Variants in FRYL observed in about 807,000 individuals in gnomAD.
FRYL encodes the protein protein furry homolog-like.
A neutral mutation model predicts 351.2 loss-of-function variants in FRYL; 150 were observed. The ratio of observed to expected loss-of-function variants is 0.43; its 90% CI spans 0.37 to 0.49. The LOEUF (loss-of-function observed/expected upper bound fraction) is 0.49. FRYL is among the 20% of genes least tolerant of loss of function. The pLI, the probability that FRYL is intolerant of heterozygous loss-of-function variation, is 0.00. For synonymous variants in FRYL, 1,153 were observed against 1,257.1 expected (o/e 0.92, Z 1.75); for missense variants, 3,036 against 3,619.3 (o/e 0.84, Z 4.13).
chr4:48,651,289 C>CTGTGTGTG lies in FRYL; in HGVS notation c.-80-16807_-80-16800dup, dbSNP rs59845967. ...GTAGAAACAGGATCTCAGGATCTCA[C>CTGTGTGTG]TGTGTGTGTGTGTGTGTGTGTGTGT... On this transcript the variant is annotated intron_variant, in intron 3 of 63. Transcript: ENST00000358350. Among the ~76,000 whole-genome samples, 96 of 62,408 alleles carry CTGTGTGTG rather than the reference C, an allele frequency of 1.5e-3. 2 individuals carry two copies. The highest frequency in any genetic ancestry group is 1.7e-3 in the African/African-American group (22 of 12,938). The allele number at this position is 62,408 out of a possible 152,430, so 40.9% of individuals were successfully genotyped here. A position where few individuals can be genotyped will look rare whatever the true frequency, so the allele number is the denominator to read the frequency against.
chr4:48,578,602 A>G (rs944140318), intron 23 of FRYL, among the ~76,000 whole-genome samples: 37 of 152,220 alleles, frequency 2.4e-4, no homozygotes, highest in Admixed American at 2.6e-4. Context: ...AAGTAAGGCC[A>G]CTGAGCTGAG....
chr4:48,619,201 A>G, intron 7 of FRYL, 73 bp downstream of exon 7: 2 of 927,176 alleles, frequency 2.2e-6, no homozygotes, highest in South Asian at 1.4e-5. Context: ...CAGCATCTTA[A>G]AGTAACTGAA....
intron 4 of FRYL, 87 bp downstream of exon 4, chr4:48,634,204 A>T: frequency 7.3e-6 from 7 of 964,184 alleles, no homozygotes; most frequent in Non-Finnish European, 9.8e-6. Flanking sequence ...TTTTTCAAGT[A>T]TATTATTTCC....
At chr4:48,716,032 C>T (rs1470934101) in intron 1 of FRYL, among the ~76,000 whole-genome samples, 1 of 152,120 alleles carries the variant, frequency 6.6e-6, no homozygotes, top group Non-Finnish European at 1.5e-5. Context: ...GGAAAGGATT[C>T]CCTATTTAAT....
Position 48,550,044 on chromosome 4 carries a change from C to T in FRYL, c.4634-421G>A, listed in dbSNP as rs550561509. On this transcript the variant is annotated intron_variant, in intron 38 of 63. Coordinates refer to ENST00000358350, the MANE Select transcript of FRYL (RefSeq NM_015030.2). Reference sequence around the variant, plus strand: ...TCTACCACAGTGGGGCTGCGGGGTGCAATAAAAAATGTCAGGAAATGTGAA... The same window carrying T: ...TCTACCACAGTGGGGCTGCGGGGTGTAATAAAAAATGTCAGGAAATGTGAA... 4.6e-5 allele frequency among the ~76,000 whole-genome samples: 7 copies of T among 152,188 alleles called. No homozygotes were observed. The East Asian group carries it at 1.3e-3, about 29-fold the overall frequency.
Position 48,605,850 on chromosome 4 carries a change from T to C in FRYL, c.742-17A>G, listed in dbSNP as rs1293831430. 4.4e-6 allele frequency: 6 copies of C among 1,367,390 alleles called. No individual in the cohort carries two copies. The highest frequency in any genetic ancestry group is 6.2e-6 in the Non-Finnish European group (6 of 974,112). The allele number at this position is 1,367,390 out of a possible 1,614,324, so 84.7% of individuals were successfully genotyped here. A position where few individuals can be genotyped will look rare whatever the true frequency, so the allele number is the denominator to read the frequency against. ...AGCACATTCCTTAAAGGGAAAGAGGTATATACTTAGATTAACAAAAGAGGA... is the reference window on the plus strand; with the variant it reads ...AGCACATTCCTTAAAGGGAAAGAGGCATATACTTAGATTAACAAAAGAGGA... On this transcript the variant is annotated splice_polypyrimidine_tract_variant and intron_variant, in intron 10 of 63. Coordinates refer to ENST00000358350, the MANE Select transcript of FRYL (RefSeq NM_015030.2).
intron 4 of FRYL, among the ~76,000 whole-genome samples, chr4:48,627,634 TAAAAACAG>T (rs1166809448): frequency 1.3e-5 from 2 of 152,024 alleles, no homozygotes; most frequent in Non-Finnish European, 2.9e-5. Flanking sequence ...AATAAATAAA[TAAAAACAG>T]AAAAACAGAA....
chr4:48,553,356 T>C lies in FRYL; in HGVS notation c.4294A>G (p.Arg1432Gly), dbSNP rs746257321. The C allele has an allele frequency of 5.6e-6, 9 of 1,611,704 alleles. No homozygotes were observed. Among genetic ancestry groups the C allele is most frequent in the African/African-American group, 2.7e-5 (2 of 74,864 alleles). ...YVKKVIVYLG[R>G]DKTMQLLEEL... ...TCTAGCAACTGCATTGTTTTATCTC[T>C]ACCTAAATATACAATGACCTTCTTC... Residue 1432 changes from arginine (R) to glycine (G), a missense_variant, in exon 36 of 64, where the codon AGA becomes GGA. Physicochemically the swap from Arg to Gly is moderately radical, Grantham distance 125 (BLOSUM62 -2). Around this residue, in one of 7 missense-constraint regions of FRYL, gnomAD observed 1,987 missense variants for 2,311.7 expected, o/e 0.86. Transcript: ENST00000358350.
Position 48,693,623 on chromosome 4 carries a change from A to T in FRYL, c.-203-8828T>A, listed in dbSNP as rs540116243. ...CAACAAAACAATAATTCAGCGATTTAAAAAAAAAAAAAAGACCAAAAATAC... is the reference window on the plus strand; with the variant it reads ...CAACAAAACAATAATTCAGCGATTTTAAAAAAAAAAAAAGACCAAAAATAC... On this transcript the variant is annotated intron_variant, in intron 2 of 63. Coordinates refer to ENST00000358350, the MANE Select transcript of FRYL (RefSeq NM_015030.2). Among the ~76,000 whole-genome samples the T allele has an allele frequency of 3.6e-4, 51 of 142,390 alleles. No individual in the cohort carries two copies. In the East Asian group the frequency reaches 4.8e-3, roughly 13 times the overall value. 93.4% of individuals were successfully genotyped at this position (142,390 alleles called of 152,430 possible).
At chr4:48,602,743 C>G (rs1339570371) in intron 12 of FRYL, among the ~76,000 whole-genome samples, 1 of 152,124 alleles carries the variant, frequency 6.6e-6, no homozygotes, top group African/African-American at 2.4e-5. Flanking sequence ...CAATCTCTGA[C>G]TAGAAAAGAC....
At chr4:48,608,502 T>C (rs1406071882) in intron 9 of FRYL, among the ~76,000 whole-genome samples, 1 of 152,206 alleles carries the variant, frequency 6.6e-6, no homozygotes, top group Admixed American at 6.5e-5. Context: ...TGTATAACTC[T>C]TAATGAATTA....
intron 4 of FRYL, among the ~76,000 whole-genome samples, chr4:48,633,062 C>T (rs1753569270): frequency 6.6e-6 from 1 of 152,122 alleles, no homozygotes; most frequent in Non-Finnish European, 1.5e-5. Context: ...GAGTGAGTTT[C>T]AGCTGTTACA....
chr4:48,710,745 C>G (rs966036819), intron 1 of FRYL, 47 bp from the exon 2 acceptor site: 14 of 395,752 alleles, frequency 3.5e-5, no homozygotes, highest in Non-Finnish European at 6.2e-5. Context: ...AACAGCCATG[C>G]TTACAACATG....
At chr4:48,519,735 GC>G (rs1724488527) in intron 55 of FRYL, among the ~76,000 whole-genome samples, 1 of 148,658 alleles carries the variant, frequency 6.7e-6, no homozygotes, top group African/African-American at 2.5e-5. Context: ...TCTCTCTCTC[GC>G]TCTTTTTTTT....
intron 1 of FRYL, among the ~76,000 whole-genome samples, chr4:48,720,034 C>T (rs1171551410): frequency 6.6e-6 from 1 of 150,620 alleles, no homozygotes; most frequent in Non-Finnish European, 1.5e-5. Flanking sequence ...CCTGTAATCC[C>T]AGCTACTTGG....
At chr4:48,673,338 C>T (rs7692480) in intron 3 of FRYL, among the ~76,000 whole-genome samples, 150,563 of 152,344 alleles carry the variant, frequency 0.99, 74,420 homozygotes, top group South Asian at 1. Context: ...CAAAAAAGTA[C>T]ATGTTCTTTA....
chr4:48,666,837 C>T (rs566517290), intron 3 of FRYL, among the ~76,000 whole-genome samples: 43 of 152,142 alleles, frequency 2.8e-4, no homozygotes, highest in Admixed American at 1.2e-3. Flanking sequence ...GATCATCAAA[C>T]GGCCCATTTA....
chr4:48,636,728 T>C (rs1056825028), intron 3 of FRYL: 1 of 152,072 alleles, frequency 6.6e-6, no homozygotes, highest in Non-Finnish European at 1.5e-5. Context: ...CTCAAATTTT[T>C]ATGAAAAAAC....
intron 3 of FRYL, chr4:48,645,950 T>TG (rs1756380878): frequency 6.6e-6 from 1 of 152,154 alleles, no homozygotes; most frequent in African/African-American, 2.4e-5. Flanking sequence ...CTACTAACCT[T>TG]ATCTTCAACG....
Sources: gnomAD v4.1 joint callset for allele counts (sites outside exome capture counted in the v4.1 genomes callset) on GRCh38, gnomAD v4.1.1 for gene constraint, gnomAD v4.1.1 regional missense constraint, MANE v1.5 for transcripts, NCBI Gene and HGNC (gene_info 2026-07-23, HGNC 2026-07-21) for gene names.